Variants in CCDC51 observed in about 807,000 individuals in gnomAD.
CCDC51 encodes the protein mitochondrial potassium channel.
A neutral mutation model predicts 24.8 loss-of-function variants in CCDC51; 25 were observed. The observed-to-expected ratio is 1.01, with a 90% CI of 0.73 to 1.41. CCDC51 has a LOEUF of 1.41. Ranked by LOEUF, CCDC51 falls within the 40% of genes most tolerant of loss-of-function variation. The probability of loss-of-function intolerance (pLI) is 0.00; values close to 1 mark genes in which losing one functional copy is unlikely to be tolerated. For missense variants in CCDC51, 466 were observed against 519.1 expected (o/e 0.90, Z 0.99); for synonymous variants, 190 against 204.3 (o/e 0.93, Z 0.60).
chr3:48,440,034 G>A lies in CCDC51; in HGVS notation c.-55C>T, dbSNP rs1456306081. Reference sequence around the variant, plus strand: ...CGGCCACAGGCCTGGTAGGCCGTCCGGTTAAGTACCCCTCCTACGGTTCCG... The same window carrying A: ...CGGCCACAGGCCTGGTAGGCCGTCCAGTTAAGTACCCCTCCTACGGTTCCG... On this transcript the variant is annotated 5_prime_UTR_variant, in exon 1 of 4. Transcript: ENST00000395694. The A allele has an allele frequency of 2.6e-5, 14 of 548,116 alleles. No homozygotes were observed. The highest frequency in any genetic ancestry group is 7.2e-5 in the Admixed American group (2 of 27,824). 34.0% of individuals were successfully genotyped at this position (548,116 alleles called of 1,614,324 possible).
Position 48,433,774 on chromosome 3 carries a change from A to C in CCDC51, c.410T>G (p.Leu137Trp). 6.2e-7 allele frequency: 1 copy of C among 1,614,108 alleles called. No homozygotes were observed. Among genetic ancestry groups the C allele is most frequent in the Non-Finnish European group, 8.5e-7 (1 of 1,179,996 alleles). Residue 137 changes from leucine (L) to tryptophan (W), a missense_variant, in exon 3 of 4, where the codon TTG becomes TGG. Leu to Trp is a moderately conservative substitution (Grantham distance 61). Transcript: ENST00000395694. The surrounding 1 kb of genome is among the most constrained non-coding windows in gnomAD (Gnocchi z 4.4). ...QAKLKEVRDR[L>W]DRVSREDSQY... Reference sequence around the variant, plus strand: ...ACTGTCCTCCCTGGAGACACGGTCCAAGCGGTCCCTCACCTCCTTCAGCTT... The same window carrying C: ...ACTGTCCTCCCTGGAGACACGGTCCCAGCGGTCCCTCACCTCCTTCAGCTT...
upstream of CCDC51, chr3:48,440,305 C>T (rs1058384): frequency 2.7e-5 from 43 of 1,607,274 alleles, no homozygotes; most frequent in Middle Eastern, 3.3e-4. Flanking sequence ...CCATGTCCGG[C>T]CGCGAAGGTA....
chr3:48,444,647 G>A (rs933201036), upstream of CCDC51, among the ~76,000 whole-genome samples: 2 of 152,206 alleles, frequency 1.3e-5, no homozygotes, highest in Non-Finnish European at 2.9e-5. Flanking sequence ...GATGAGACTT[G>A]TTCATCTGTT....
At position 48,433,792 on chromosome 3, in the gene CCDC51, T is replaced by C. The variant is rs1253135043; in HGVS notation, c.392A>G (p.Lys131Arg). The change falls in exon 3 of 4, where the codon AAG becomes AGG. Residue 131 changes from lysine to arginine, a missense_variant. Transcript: ENST00000395694. The surrounding 1 kb of genome is among the most constrained non-coding windows in gnomAD (Gnocchi z 4.4). Reference protein sequence around the residue: ...EDLEVHQAKLKEVRDRLDRVS... With the variant: ...EDLEVHQAKLREVRDRLDRVS... ...ACGGTCCAAGCGGTCCCTCACCTCC[T>C]TCAGCTTGGCCTGGTGAACTTCCAA... 7 of 1,613,928 alleles carry C rather than the reference T, an allele frequency of 4.3e-6. No homozygotes were observed. The African/African-American group carries it at 9.3e-5, about 22-fold the overall frequency.
Position 48,432,908 on chromosome 3 carries a change from C to G in CCDC51, c.736G>C (p.Glu246Gln). ...EAQKGPVSLQ[E>Q]AIREQASSYS... ...CTAGACGCCTGTTCTCGAATGGCCT[C>G]TTGGAGACTCACAGGCCCCTTCTGC... The change falls in exon 4 of 4, where the codon GAG becomes CAG. Residue 246 changes from glutamate (E) to glutamine (Q), a missense_variant. Physicochemically the swap from Glu to Gln is conservative, Grantham distance 29 (BLOSUM62 2). Transcript: ENST00000395694. 1 of 1,614,080 alleles carries G rather than the reference C, an allele frequency of 6.2e-7. No individual in the cohort carries two copies. Among genetic ancestry groups the G allele is most frequent in the East Asian group, 2.2e-5 (1 of 44,870 alleles).
At chr3:48,441,485 C>CT (rs35268029), upstream of CCDC51, among the ~76,000 whole-genome samples, 77,529 of 145,404 alleles carry the variant, frequency 0.53, 20,752 homozygotes, top group East Asian at 0.7. Context: ...ACCTGGCCAA[C>CT]TTTTTTTTTT....
At position 48,432,724 on chromosome 3, in the gene CCDC51, A is replaced by G. The variant is rs1287657112; in HGVS notation, c.920T>C (p.Leu307Pro). 6.2e-7 allele frequency: 1 copy of G among 1,614,188 alleles called. No homozygotes were observed. Among genetic ancestry groups the G allele is most frequent in the East Asian group, 2.2e-5 (1 of 44,890 alleles). ...TGAATGGACTTGCCTGGAATGACTA[A>G]GCTGCTCTTTCAAGGCAGCTGAAAG... ...DVLSAALKEQ[L>P]SHSRQVHSCL... The change falls in exon 4 of 4, where the codon CTT becomes CCT. Residue 307 changes from leucine to proline, a missense_variant. By Grantham distance (98) the Leu-to-Pro change is moderately conservative. Transcript: ENST00000395694.
rs1456690446 is a variant in CCDC51, at chr3:48,435,404, C to A, written c.-8-268G>T. 6.6e-6 allele frequency among the ~76,000 whole-genome samples: 1 copy of A among 152,140 alleles called. No homozygotes were observed. The highest frequency in any genetic ancestry group is 2.4e-5 in the African/African-American group (1 of 41,432). On this transcript the variant is annotated intron_variant, in intron 1 of 3. Transcript: ENST00000395694. This position sits in a 1 kb window ranked among gnomAD's most constrained non-coding sequence, Gnocchi z 4.2. ...GTGCCCGCCACCATGCCACACAAAGCGGACCCTTCCCTGCTACCCACTTCC... is the reference window on the plus strand; with the variant it reads ...GTGCCCGCCACCATGCCACACAAAGAGGACCCTTCCCTGCTACCCACTTCC...
intron 1 of CCDC51, among the ~76,000 whole-genome samples, chr3:48,438,846 C>T (rs1314882657): frequency 6.6e-6 from 1 of 152,152 alleles, no homozygotes; most frequent in Admixed American, 6.6e-5. Flanking sequence ...AAGGTAAAAG[C>T]CTGTCTTTTC....
chr3:48,433,427 T>A lies in CCDC51; in HGVS notation c.478-261A>T, dbSNP rs1477425960. On this transcript the variant is annotated intron_variant, in intron 3 of 3. Coordinates refer to ENST00000395694, the MANE Select transcript of CCDC51 (RefSeq NM_001256964.2). The surrounding 1 kb of genome is among the most constrained non-coding windows in gnomAD (Gnocchi z 4.4). ...GCACTTATGTCTACACAAAGGGAAG[T>A]GTCCAGCACTCCCTAGGCCAGCCCC... Among the ~76,000 whole-genome samples, 2 of 152,186 alleles carry A rather than the reference T, an allele frequency of 1.3e-5. No individual in the cohort carries two copies. The highest frequency in any genetic ancestry group is 3.9e-4 in the East Asian group (2 of 5,192).
upstream of CCDC51, among the ~76,000 whole-genome samples, chr3:48,441,287 A>G (rs901145776): frequency 6.7e-6 from 1 of 149,346 alleles, no homozygotes; most frequent in African/African-American, 2.5e-5. Flanking sequence ...CTCGTGATCC[A>G]CCCGCCTCAG....
chr3:48,440,342 G>GGGACGGCGGGGTGGGGACC, upstream of CCDC51: 1 of 1,611,884 alleles, frequency 6.2e-7, no homozygotes, highest in African/African-American at 1.3e-5. Flanking sequence ...GAGGACTGCG[G>GGGACGGCGGGGTGGGGACC]GGACGGCGGG....
At chr3:48,440,175 T>C, upstream of CCDC51, 8 of 1,477,528 alleles carry the variant, frequency 5.4e-6, no homozygotes, top group South Asian at 4.1e-5. Flanking sequence ...CCGCATCCGG[T>C]AGCGAGAGTT....
Position 48,435,254 on chromosome 3 carries a change from A to G in CCDC51, c.-8-118T>C. ...ATCCCCACTCAAATCATCTAAACTG[A>G]GCACCACCCTGTTGGGCCCAGAGAC... On this transcript the variant is annotated intron_variant, in intron 1 of 3. Coordinates refer to ENST00000395694, the MANE Select transcript of CCDC51 (RefSeq NM_001256964.2). The surrounding 1 kb of genome is among the most constrained non-coding windows in gnomAD (Gnocchi z 4.2). The G allele has an allele frequency of 1.2e-6, 1 of 817,740 alleles. No individual in the cohort carries two copies. Among genetic ancestry groups the G allele is most frequent in the Non-Finnish European group, 1.8e-6 (1 of 542,186 alleles). 50.7% of individuals were successfully genotyped at this position (817,740 alleles called of 1,614,324 possible).
rs535995667 is a variant in CCDC51, at chr3:48,437,165, T to C, written c.-8-2029A>G. On this transcript the variant is annotated intron_variant, in intron 1 of 3. Coordinates refer to ENST00000395694, the MANE Select transcript of CCDC51 (RefSeq NM_001256964.2). This position sits in a 1 kb window ranked among gnomAD's most constrained non-coding sequence, Gnocchi z 4.2. Reference sequence around the variant, plus strand: ...CCCAAATATCACCTCTCAGTAAGGCTTCCTTGACCACTCCCTCCCCAGCTA... The same window carrying C: ...CCCAAATATCACCTCTCAGTAAGGCCTCCTTGACCACTCCCTCCCCAGCTA... Among the ~76,000 whole-genome samples the C allele has an allele frequency of 2.3e-4, 35 of 152,310 alleles. 1 individual carries two copies. Among genetic ancestry groups the C allele is most frequent in the Middle Eastern group, 3.4e-3 (1 of 294 alleles).
chr3:48,444,469 C>T (rs1374422514), upstream of CCDC51, among the ~76,000 whole-genome samples: 1 of 152,180 alleles, frequency 6.6e-6, no homozygotes, highest in Non-Finnish European at 1.5e-5. Flanking sequence ...AGAGGGGTTT[C>T]ACCATGTTGG....
chr3:48,433,875 C>G lies in CCDC51; in HGVS notation c.313-4G>C, dbSNP rs752677000. The G allele has an allele frequency of 6.2e-7, 1 of 1,612,372 alleles. No homozygotes were observed. The highest frequency in any genetic ancestry group is 1.1e-5 in the South Asian group (1 of 90,838). On this transcript the variant is annotated splice_region_variant and splice_polypyrimidine_tract_variant and intron_variant, in intron 2 of 3. Coordinates refer to ENST00000395694, the MANE Select transcript of CCDC51 (RefSeq NM_001256964.2). This position sits in a 1 kb window ranked among gnomAD's most constrained non-coding sequence, Gnocchi z 4.4. ...CCACCATGAACACTTTCTCAGCCTGCAAAGAGAAAACCGGAGGCCATCTGC... is the reference window on the plus strand; with the variant it reads ...CCACCATGAACACTTTCTCAGCCTGGAAAGAGAAAACCGGAGGCCATCTGC...
chr3:48,445,389 A>T (rs1221397211), upstream of CCDC51, among the ~76,000 whole-genome samples: 1 of 152,170 alleles, frequency 6.6e-6, no homozygotes, highest in African/African-American at 2.4e-5. Context: ...GGCAGGGGGA[A>T]GCCTGTGTTG....
upstream of CCDC51, chr3:48,440,535 C>T (rs1405880475): frequency 3.7e-6 from 6 of 1,610,430 alleles, no homozygotes; most frequent in Non-Finnish European, 5.1e-6. Flanking sequence ...CTCTGCCTCT[C>T]CCCAGGAAGA....
Sources: allele counts gnomAD v4.1 joint callset (sites outside exome capture counted in the v4.1 genomes callset), GRCh38; gene constraint gnomAD v4.1.1; non-coding constraint Gnocchi (gnomAD v3.1); transcripts MANE v1.5; gene names NCBI Gene and HGNC (gene_info 2026-07-23, HGNC 2026-07-21).